The following TENM3 variants were observed in gnomAD, a reference collection of about 807,000 sequenced individuals.
The protein encoded by TENM3 is teneurin-3.
A neutral mutation model predicts 255.1 loss-of-function variants in TENM3; 63 were observed. The observed-to-expected ratio is 0.25, with a 90% CI of 0.20 to 0.30. The LOEUF (loss-of-function observed/expected upper bound fraction) is 0.30. Among genes scored for constraint, TENM3 ranks in the 10% least tolerant of loss-of-function variants. TENM3 has a pLI of 1.00. For synonymous variants in TENM3, 1,306 were observed against 1,322.3 expected (o/e 0.99, Z 0.27); for missense variants, 2,929 against 3,461.1 (o/e 0.85, Z 3.86).
chr4:181,724,558 C>T, the TENM3 span, among the ~76,000 whole-genome samples: 22 of 152,012 alleles, frequency 1.4e-4, no homozygotes, highest in African/African-American at 5.3e-4. Context: ...AATAAAATAT[C>T]TTTTTTATCT....
intron 1 of TENM3, among the ~76,000 whole-genome samples, chr4:182,153,385 C>G (rs551659664): frequency 3.9e-4 from 60 of 152,140 alleles, no homozygotes; most frequent in African/African-American, 1.3e-3. Flanking sequence ...TGCATGAATG[C>G]ATTTGCAAAA....
At chr4:182,301,405 T>G (rs1274251177) in intron 1 of TENM3, among the ~76,000 whole-genome samples, 1 of 152,148 alleles carries the variant, frequency 6.6e-6, no homozygotes, top group Non-Finnish European at 1.5e-5. Context: ...TCCATCCACT[T>G]CCTCCCCCCA....
At chr4:181,708,853 A>C in the TENM3 span, among the ~76,000 whole-genome samples, 1 of 152,214 alleles carries the variant, frequency 6.6e-6, no homozygotes. Flanking sequence ...GTTTGCAGTC[A>C]GCAACATCAA....
intron 5 of TENM3, among the ~76,000 whole-genome samples, chr4:182,640,759 A>C (rs1752232903): frequency 6.6e-6 from 1 of 152,194 alleles, no homozygotes; most frequent in Non-Finnish European, 1.5e-5. Flanking sequence ...TTTTGCTTTG[A>C]AATATATTTC....
chr4:182,557,371 A>G (rs1437384475), intron 3 of TENM3, among the ~76,000 whole-genome samples: 3 of 152,164 alleles, frequency 2.0e-5, no homozygotes, highest in African/African-American at 2.4e-5. Context: ...TCTGTAAGTA[A>G]ACTGTGATGT....
the TENM3 span, among the ~76,000 whole-genome samples, chr4:181,770,694 A>C: frequency 6.6e-6 from 1 of 151,586 alleles, no homozygotes; most frequent in Non-Finnish European, 1.5e-5. Context: ...AAAAAAAAAA[A>C]AAAGAGTGAG....
At chr4:181,848,953 G>A in the TENM3 span, among the ~76,000 whole-genome samples, 1 of 152,224 alleles carries the variant, frequency 6.6e-6, no homozygotes, top group East Asian at 1.9e-4. Flanking sequence ...GCCACAATCC[G>A]AGTTCCTTTA....
At chr4:181,601,838 A>G in the TENM3 span, among the ~76,000 whole-genome samples, 5 of 152,178 alleles carry the variant, frequency 3.3e-5, no homozygotes, top group East Asian at 7.8e-4. Context: ...CAACCTATGA[A>G]TTTCAGGGGT....
chr4:182,470,134 TGG>T (rs1732974683), intron 3 of TENM3, among the ~76,000 whole-genome samples: 2 of 152,166 alleles, frequency 1.3e-5, no homozygotes, highest in South Asian at 4.1e-4. Context: ...GGCTTCGTAA[TGG>T]GCCCCTAAAG....
intron 3 of TENM3, among the ~76,000 whole-genome samples, chr4:182,579,791 A>C (rs540370228): frequency 5.3e-5 from 8 of 152,314 alleles, no homozygotes; most frequent in African/African-American, 1.9e-4. Context: ...TTTTAAAGCA[A>C]AGTTGTTACA....
chr4:182,735,229 G>A (rs1761071382), intron 16 of TENM3, among the ~76,000 whole-genome samples: 2 of 152,158 alleles, frequency 1.3e-5, no homozygotes, highest in African/African-American at 4.8e-5. Flanking sequence ...CATGTTTGAA[G>A]GAAAACTCCA....
intron 3 of TENM3, among the ~76,000 whole-genome samples, chr4:182,347,613 A>C (rs963607202): frequency 6.9e-5 from 8 of 115,944 alleles, no homozygotes; most frequent in Admixed American, 2.0e-4. Context: ...TAAGAAAAAA[A>C]GTCTTTATAA....
At chr4:182,126,863 C>A in the TENM3 span, among the ~76,000 whole-genome samples, 5 of 152,282 alleles carry the variant, frequency 3.3e-5, no homozygotes, top group Admixed American at 3.3e-4. Context: ...CCAAGAACTC[C>A]CCATCCCCAC....
At chr4:181,851,637 T>C in the TENM3 span, among the ~76,000 whole-genome samples, 2 of 151,716 alleles carry the variant, frequency 1.3e-5, no homozygotes, top group African/African-American at 4.8e-5. Context: ...CATGCACACA[T>C]GCACACACGC....
At chr4:182,475,987 G>T (rs952429832) in intron 3 of TENM3, among the ~76,000 whole-genome samples, 2 of 152,164 alleles carry the variant, frequency 1.3e-5, no homozygotes, top group Non-Finnish European at 2.9e-5. Context: ...TGGAATATAT[G>T]GGACAGTAGT....
intron 3 of TENM3, among the ~76,000 whole-genome samples, chr4:182,460,961 A>G (rs1049890188): frequency 2.0e-5 from 3 of 152,190 alleles, no homozygotes; most frequent in Admixed American, 6.5e-5. Flanking sequence ...TTGAAAACCT[A>G]CTATTTGCTA....
At chr4:182,401,541 A>G (rs1320535759) in intron 3 of TENM3, among the ~76,000 whole-genome samples, 2 of 152,316 alleles carry the variant, frequency 1.3e-5, no homozygotes, top group East Asian at 1.9e-4. Context: ...CAATAATTAC[A>G]TGGCACAAAC....
At chr4:182,797,401 T>C (rs72999005) in intron 27 of TENM3, among the ~76,000 whole-genome samples, 22,475 of 151,752 alleles carry the variant, frequency 0.15, 1,734 homozygotes, top group East Asian at 0.2. Flanking sequence ...ATCACGCCAT[T>C]GTACTCCAGC....
chr4:181,895,419 GCA>G, the TENM3 span, among the ~76,000 whole-genome samples: 1 of 151,336 alleles, frequency 6.6e-6, no homozygotes, highest in Non-Finnish European at 1.5e-5. Context: ...CATTATCTCA[GCA>G]CACACAGTTA....
Sources: allele counts gnomAD v4.1 joint callset (sites outside exome capture counted in the v4.1 genomes callset), GRCh38; gene constraint gnomAD v4.1.1; transcripts MANE v1.5; gene names NCBI Gene and HGNC (gene_info 2026-07-23, HGNC 2026-07-21).